PDE6B: variants seen among roughly 807,000 people sequenced by gnomAD.
The protein encoded by PDE6B is phosphodiesterase 6B.
A neutral mutation model predicts 109.0 loss-of-function variants in PDE6B; 106 were observed. The observed-to-expected ratio is 0.97, with a 90% CI of 0.83 to 1.14. The LOEUF (loss-of-function observed/expected upper bound fraction) is 1.14, where lower values mean the gene tolerates loss of function less well. Ranked by LOEUF, PDE6B falls within the 50% of genes most tolerant of loss-of-function variation. The pLI, the probability that PDE6B is intolerant of heterozygous loss-of-function variation, is 0.00. For missense variants in PDE6B, 1,193 were observed against 1,155.6 expected, an observed-to-expected ratio of 1.03 and a Z score of -0.47; for synonymous variants, 490 against 471.3, an observed-to-expected ratio of 1.04 and a Z score of -0.51.
At position 625,846 on chromosome 4, in the gene PDE6B, C is replaced by A; in HGVS notation, c.220C>A (p.Arg74Ser). ...QDMQESINME[R>S]VVFKVLRRLC... The stretch of plus-strand genomic sequence containing the variant: ...TATGCAGGAGAGCATCAACATGGAG[C>A]GCGTGGTCTTCAAGGTCCTGCGGCG... Residue 74 changes from arginine (R) to serine (S), a missense_variant, in exon 1 of 22, where the codon CGC becomes AGC. Transcript: ENST00000496514. The surrounding 1 kb of genome is among the most constrained non-coding windows in gnomAD (Gnocchi z 5.0). The A allele has an allele frequency of 6.2e-7, 1 of 1,612,506 alleles. No homozygotes were observed. The highest frequency in any genetic ancestry group is 8.5e-7 in the Non-Finnish European group (1 of 1,179,650).
chr4:634,375 C>T (rs1052131155), intron 1 of PDE6B, among the ~76,000 whole-genome samples: 4 of 152,150 alleles, frequency 2.6e-5, no homozygotes, highest in South Asian at 2.1e-4. Flanking sequence ...GGCCGGAGGG[C>T]GGCAGGTGCG....
At position 625,857 on chromosome 4, in the gene PDE6B, C is replaced by CG; in HGVS notation, c.231_232insG (p.Lys78GlufsTer88). On this transcript the variant is annotated frameshift_variant, in exon 1 of 22. Transcript: ENST00000496514. LOFTEE classifies it high-confidence loss of function. The surrounding 1 kb of genome is among the most constrained non-coding windows in gnomAD (Gnocchi z 5.0). The stretch of plus-strand genomic sequence containing the variant: ...GCATCAACATGGAGCGCGTGGTCTT[C>CG]AAGGTCCTGCGGCGCCTCTGCACCC... 6.2e-7 allele frequency: 1 copy of CG among 1,611,658 alleles called. No individual in the cohort carries two copies. Among genetic ancestry groups the CG allele is most frequent in the Non-Finnish European group, 8.5e-7 (1 of 1,179,334 alleles).
chr4:655,802 C>T (rs953678669), intron 6 of PDE6B, 138 bp from the exon 7 acceptor site: 2 of 729,078 alleles, frequency 2.7e-6, no homozygotes, highest in African/African-American at 3.5e-5. Flanking sequence ...CCAGACCAGC[C>T]CCTCTGACCC....
chr4:635,312 C>T lies in PDE6B; in HGVS notation c.621+483C>T, dbSNP rs112581403. ...GCCTGCCTCCCTGCCCGCCTGCCCG[C>T]GTGTTCTGTGCTGTGCGTCCACCTC... On this transcript the variant is annotated intron_variant, in intron 2 of 21. Coordinates refer to ENST00000496514, the MANE Select transcript of PDE6B (RefSeq NM_000283.4). 2.8e-3 allele frequency among the ~76,000 whole-genome samples: 357 copies of T among 127,110 alleles called. 14 individuals are homozygous for T. Among genetic ancestry groups the T allele is most frequent in the African/African-American group, 0.011 (329 of 29,926 alleles). 83.4% of individuals were successfully genotyped at this position (127,110 alleles called of 152,430 possible).
chr4:643,882 C>G (rs1290607654), intron 3 of PDE6B, among the ~76,000 whole-genome samples: 1 of 149,066 alleles, frequency 6.7e-6, no homozygotes, highest in Non-Finnish European at 1.5e-5. Flanking sequence ...CAAATTCTGA[C>G]AGGTTGTATA....
rs28569875 is a variant in PDE6B at position 653,714 on chromosome 4, G to C, written c.712-138G>C. ...CACGGAGCCACCAATCAGGGTCTGT[G>C]CCAGGCTCCACGGCTGGGCAGGTGG... is the stretch of plus-strand genomic sequence containing the variant. On this transcript the variant is annotated intron_variant, in intron 3 of 21. Transcript: ENST00000496514. 96,698 of 982,558 alleles carry C rather than the reference G, an allele frequency of 0.098. 5,254 individuals are homozygous for C. Among genetic ancestry groups the C allele is most frequent in the African/African-American group, 0.14 (8,769 of 62,918 alleles). The allele number at this position is 982,558 out of a possible 1,614,324, so 60.9% of individuals were successfully genotyped here.
rs569386828 is a variant in PDE6B, at chr4:666,747, G to C, written c.2352+133G>C. On this transcript the variant is annotated intron_variant, in intron 20 of 21. Coordinates refer to ENST00000496514, the MANE Select transcript of PDE6B (RefSeq NM_000283.4). The surrounding 1 kb of genome is among the most constrained non-coding windows in gnomAD (Gnocchi z 5.6). Reference sequence around the variant, plus strand: ...CACTGGAGTAGGGATGCCAGTGCCAGCTTCGTGCCGCTCTTGAGTGGGGCA... The same window carrying C: ...CACTGGAGTAGGGATGCCAGTGCCACCTTCGTGCCGCTCTTGAGTGGGGCA... 1.4e-4 allele frequency: 97 copies of C among 700,176 alleles called. 1 individual carries two copies. In the Middle Eastern group the frequency reaches 6.8e-3, roughly 49 times the overall value. The allele number at this position is 700,176 out of a possible 1,614,324, so 43.4% of individuals were successfully genotyped here.
At chr4:651,438 G>A (rs1462770324) in intron 3 of PDE6B, 4 of 153,654 alleles carry the variant, frequency 2.6e-5, no homozygotes, top group Admixed American at 6.5e-5. Context: ...TGGAGGCAGA[G>A]GCCAGAGCCC....
At chr4:659,997 CTGTG>C (rs1393510520) in intron 11 of PDE6B, among the ~76,000 whole-genome samples, 1 of 151,882 alleles carries the variant, frequency 6.6e-6, no homozygotes, top group East Asian at 1.9e-4. Flanking sequence ...TACCTCATGG[CTGTG>C]TGTGTGAGCC....
At chr4:652,727 G>C (rs1177185339) in intron 3 of PDE6B, 1 of 154,204 alleles carries the variant, frequency 6.5e-6, no homozygotes, top group Non-Finnish European at 1.4e-5. Context: ...TGCAACCTCT[G>C]TACAAACTCT....
Position 664,031 on chromosome 4 carries a change from T to C in PDE6B, c.2022-83T>C, listed in dbSNP as rs1422269676. 1.8e-5 allele frequency: 21 copies of C among 1,188,670 alleles called. No individual in the cohort carries two copies. In the East Asian group the frequency reaches 4.7e-4, roughly 26 times the overall value. The allele number at this position is 1,188,670 out of a possible 1,614,324, so 73.6% of individuals were successfully genotyped here. ...ACCCCGGATGGGGCCTCGCTCGGGCTCCGCGCCTCCCTGCAGACGGGCGCT... is the reference window on the plus strand; with the variant it reads ...ACCCCGGATGGGGCCTCGCTCGGGCCCCGCGCCTCCCTGCAGACGGGCGCT... On this transcript the variant is annotated intron_variant, in intron 16 of 21. Coordinates refer to ENST00000496514, the MANE Select transcript of PDE6B (RefSeq NM_000283.4).
Position 633,695 on chromosome 4 carries a change from T to A in PDE6B, c.469-982T>A, listed in dbSNP as rs1734501449. Among the ~76,000 whole-genome samples, 1 of 152,148 alleles carries A rather than the reference T, an allele frequency of 6.6e-6. No homozygotes were observed. The highest frequency in any genetic ancestry group is 2.4e-5 in the African/African-American group (1 of 41,418). ...AGAACCACCCTGTGCCCACTGCAGGTCGCACAGGTGGGAAGTCCTGACCCC... is the reference window on the plus strand; with the variant it reads ...AGAACCACCCTGTGCCCACTGCAGGACGCACAGGTGGGAAGTCCTGACCCC... On this transcript the variant is annotated intron_variant, in intron 1 of 21. Coordinates refer to ENST00000496514, the MANE Select transcript of PDE6B (RefSeq NM_000283.4). The surrounding 1 kb of genome is among the most constrained non-coding windows in gnomAD (Gnocchi z 4.5).
At position 625,796 on chromosome 4, in the gene PDE6B, C is replaced by T. The variant is rs149359860; in HGVS notation, c.170C>T (p.Thr57Met). Residue 57 changes from threonine to methionine, a missense_variant, in exon 1 of 22, where the codon ACG becomes ATG. Thr to Met is a moderately conservative substitution (Grantham distance 81, BLOSUM62 -1). Transcript: ENST00000496514. The surrounding 1 kb of genome is among the most constrained non-coding windows in gnomAD (Gnocchi z 5.0). ...GACCTCTGCCAGGTGGAGGAGAGCA[C>T]GGCGCTGCTGGAGCTGGTGCAGGAT... ...LRDLCQVEES[T>M]ALLELVQDMQ... 259 of 1,613,216 alleles carry T rather than the reference C, an allele frequency of 1.6e-4. No homozygotes were observed. Among genetic ancestry groups the T allele is most frequent in the Non-Finnish European group, 2.1e-4 (248 of 1,179,948 alleles).
chr4:647,378 T>G (rs1236975677), intron 3 of PDE6B, among the ~76,000 whole-genome samples: 1 of 152,060 alleles, frequency 6.6e-6, no homozygotes, highest in Non-Finnish European at 1.5e-5. Flanking sequence ...AATGAACATT[T>G]GCTGCAGCTG....
intron 21 of PDE6B, among the ~76,000 whole-genome samples, chr4:669,547 CGCTACGCCATGCTATTCCCA>C (rs1738246065): frequency 1.2e-5 from 1 of 83,222 alleles, no homozygotes. Flanking sequence ...ATGCTATTCC[CGCTACGCCATGCTATTCCCA>C]CTACCCCATG....
At chr4:638,849 C>T (rs1456418822) in intron 3 of PDE6B, among the ~76,000 whole-genome samples, 1 of 152,172 alleles carries the variant, frequency 6.6e-6, no homozygotes, top group Non-Finnish European at 1.5e-5. Context: ...TTATCCAGCC[C>T]TCAACCAGGG....
Position 639,660 on chromosome 4 carries a change from G to C in PDE6B, c.711+3691G>C, listed in dbSNP as rs574232210. On this transcript the variant is annotated intron_variant, in intron 3 of 21. Coordinates refer to ENST00000496514, the MANE Select transcript of PDE6B (RefSeq NM_000283.4). Reference sequence around the variant, plus strand: ...TAAGCCCTGCTTCTGGCATGAGAAAGTTAAACTTGTATTCAAAAGTGATGC... The same window carrying C: ...TAAGCCCTGCTTCTGGCATGAGAAACTTAAACTTGTATTCAAAAGTGATGC... Among the ~76,000 whole-genome samples the C allele has an allele frequency of 1.2e-4, 18 of 152,300 alleles. No individual in the cohort carries two copies. In the South Asian group the frequency reaches 2.7e-3, roughly 23 times the overall value.
At chr4:655,641 C>A (rs1347120683) in intron 6 of PDE6B, 4 of 509,702 alleles carry the variant, frequency 7.8e-6, no homozygotes, top group African/African-American at 5.8e-5. Flanking sequence ...CTCCTGAACC[C>A]CCTGGCACTC....
At chr4:666,616 C>T (rs751661904), downstream of PDE6B, 10 of 1,601,292 alleles carry the variant, frequency 6.2e-6, no homozygotes, top group Admixed American at 3.3e-5. The surrounding 1 kb of genome is among the most constrained non-coding windows in gnomAD (Gnocchi z 5.6). Flanking sequence ...GTGTACAAGG[C>T]GAGTGGTTCA....
Sources: gnomAD v4.1 joint callset for allele counts (sites outside exome capture counted in the v4.1 genomes callset) on GRCh38, gnomAD v4.1.1 for gene constraint, Gnocchi (gnomAD v3.1) non-coding constraint, MANE v1.5 for transcripts, NCBI Gene and HGNC (gene_info 2026-07-23, HGNC 2026-07-21) for gene names.